Variants in TTC28 observed in about 807,000 individuals in gnomAD.
TTC28 encodes the protein tetratricopeptide repeat protein 28.
A neutral mutation model predicts 198.0 loss-of-function variants in TTC28; 61 were observed. The observed-to-expected ratio is 0.31, with a 90% CI of 0.25 to 0.38. TTC28 has a LOEUF of 0.38. TTC28 is among the 10% of genes least tolerant of loss of function. The probability of loss-of-function intolerance (pLI) is 1.00; values close to 1 mark genes in which losing one functional copy is unlikely to be tolerated. For missense variants in TTC28, 2,678 were observed against 3,164.0 expected (o/e 0.85, Z 3.69); for synonymous variants, 1,171 against 1,297.8 (o/e 0.90, Z 2.10).
At chr22:27,995,952 T>C (rs1456021118) in intron 17 of TTC28, among the ~76,000 whole-genome samples, 183 bp downstream of exon 17, 1 of 152,188 alleles carries the variant, frequency 6.6e-6, no homozygotes, top group Non-Finnish European at 1.5e-5. Flanking sequence ...TGCTGGGACA[T>C]GGGTCTCCCA....
chr22:28,447,831 T>C (rs1489604888), intron 2 of TTC28, among the ~76,000 whole-genome samples: 1 of 152,222 alleles, frequency 6.6e-6, no homozygotes, highest in East Asian at 1.9e-4. Flanking sequence ...TATATTTCCT[T>C]TGGGTCGCTT....
chr22:28,482,259 T>TG (rs984215122), intron 2 of TTC28, among the ~76,000 whole-genome samples: 3 of 125,892 alleles, frequency 2.4e-5, no homozygotes, highest in African/African-American at 9.0e-5. Context: ...TCTCCCAGTG[T>TG]GGAGTGCAGT....
intron 12 of TTC28, among the ~76,000 whole-genome samples, chr22:28,071,656 C>T (rs1046208964): frequency 1.2e-4 from 17 of 143,056 alleles, no homozygotes; most frequent in African/African-American, 3.4e-4. Context: ...GTGGGTGCAG[C>T]GCACCAGCAT....
chr22:28,658,498 A>G (rs1194725281), intron 1 of TTC28, among the ~76,000 whole-genome samples: 1 of 152,206 alleles, frequency 6.6e-6, no homozygotes, highest in African/African-American at 2.4e-5. Context: ...AATCATCGAG[A>G]TGGAAAATAG....
At chr22:28,470,802 T>C (rs2048087712) in intron 2 of TTC28, among the ~76,000 whole-genome samples, 1 of 151,914 alleles carries the variant, frequency 6.6e-6, no homozygotes, top group African/African-American at 2.4e-5. Flanking sequence ...GGCAATAATA[T>C]AGAAAAAGGA....
At chr22:28,638,372 GGAAA>G (rs2051309207) in intron 1 of TTC28, among the ~76,000 whole-genome samples, 1 of 151,774 alleles carries the variant, frequency 6.6e-6, no homozygotes, top group Non-Finnish European at 1.5e-5. Flanking sequence ...AATATTAAAA[GGAAA>G]GAATCTTTTA....
intron 2 of TTC28, among the ~76,000 whole-genome samples, chr22:28,493,035 G>C (rs1025577462): frequency 6.7e-6 from 1 of 149,226 alleles, no homozygotes; most frequent in Non-Finnish European, 1.5e-5. Context: ...TAAGTCCAAG[G>C]GTTCACGATA....
intron 6 of TTC28, among the ~76,000 whole-genome samples, chr22:28,154,715 T>C (rs1357584554): frequency 2.0e-5 from 3 of 152,166 alleles, no homozygotes; most frequent in African/African-American, 4.8e-5. Flanking sequence ...AGGACAGACA[T>C]AGAAAATAGC....
intron 2 of TTC28, among the ~76,000 whole-genome samples, chr22:28,516,990 A>G (rs2048802249): frequency 6.6e-6 from 1 of 152,242 alleles, no homozygotes; most frequent in African/African-American, 2.4e-5. Context: ...AATACTCATT[A>G]TAACTCCTGT....
chr22:28,331,821 G>A (rs1202539061), intron 2 of TTC28, among the ~76,000 whole-genome samples: 1 of 151,992 alleles, frequency 6.6e-6, no homozygotes, highest in Non-Finnish European at 1.5e-5. Context: ...ATTTAACCTA[G>A]GAAGCTTTAC....
At chr22:28,364,410 T>A (rs188547729) in intron 2 of TTC28, among the ~76,000 whole-genome samples, 10 of 152,326 alleles carry the variant, frequency 6.6e-5, no homozygotes, top group South Asian at 2.1e-4. Context: ...CTCAGGTATA[T>A]CTTTATCAGC....
intron 13 of TTC28, among the ~76,000 whole-genome samples, chr22:28,017,770 T>C (rs1386500605): frequency 6.6e-6 from 1 of 152,160 alleles, no homozygotes; most frequent in African/African-American, 2.4e-5. Context: ...TACCAGTTGT[T>C]TCCTAGGGGA....
At chr22:28,302,900 G>A (rs1302629214) in intron 3 of TTC28, among the ~76,000 whole-genome samples, 1 of 152,216 alleles carries the variant, frequency 6.6e-6, no homozygotes, top group East Asian at 1.9e-4. Flanking sequence ...GAGAATCAGA[G>A]GGAATGAGCC....
chr22:28,235,973 G>A (rs777214769), intron 5 of TTC28, among the ~76,000 whole-genome samples: 6 of 152,188 alleles, frequency 3.9e-5, no homozygotes, highest in Non-Finnish European at 5.9e-5. Flanking sequence ...CTTTCTAAGA[G>A]TCTTCATTGA....
rs201481979 is a variant in TTC28, at chr22:27,982,642, A to T, written c.7025T>A (p.Ile2342Lys). The change falls in exon 23 of 23, where the codon ATA becomes AAA. Residue 2342 changes from isoleucine to lysine, a missense_variant. Around this residue, in one of 8 missense-constraint regions of TTC28, gnomAD observed 622 missense variants for 656.0 expected, o/e 0.95. Transcript: ENST00000397906. This position sits in a 1 kb window ranked among gnomAD's most constrained non-coding sequence, Gnocchi z 5.2. ...ARSSPADAPDIDKLKMAAIDE... is the reference protein window; with the variant it reads ...ARSSPADAPDKDKLKMAAIDE... ...AATGGCTGCCATTTTCAGTTTGTCT[A>T]TGTCGGGAGCGTCTGCTGGACTTGA... The T allele has an allele frequency of 3.9e-6, 6 of 1,551,594 alleles. No homozygotes were observed. The highest frequency in any genetic ancestry group is 5.2e-6 in the Non-Finnish European group (6 of 1,146,986).
intron 2 of TTC28, among the ~76,000 whole-genome samples, chr22:28,470,481 C>CA (rs201539424): frequency 2.3e-4 from 34 of 150,538 alleles, no homozygotes; most frequent in African/African-American, 6.3e-4. Context: ...TCACAGTCTC[C>CA]AAAAAAAAAT....
intron 2 of TTC28, among the ~76,000 whole-genome samples, chr22:28,562,466 G>A (rs1207391129): frequency 6.6e-6 from 1 of 152,214 alleles, no homozygotes; most frequent in Non-Finnish European, 1.5e-5. Flanking sequence ...TCCAAGGACA[G>A]TAAAATACAG....
intron 2 of TTC28, among the ~76,000 whole-genome samples, chr22:28,617,770 C>T (rs1428622197): frequency 2.6e-5 from 4 of 152,176 alleles, no homozygotes; most frequent in Non-Finnish European, 5.9e-5. Flanking sequence ...AGAACCCCAG[C>T]AAAATCTGCT....
chr22:28,550,426 T>C (rs1166444824), intron 2 of TTC28, among the ~76,000 whole-genome samples: 1 of 152,092 alleles, frequency 6.6e-6, no homozygotes, highest in African/African-American at 2.4e-5. Flanking sequence ...ATCACAAGAA[T>C]CCTAAATGCC....
Sources: allele counts gnomAD v4.1 joint callset (sites outside exome capture counted in the v4.1 genomes callset), GRCh38; gene constraint gnomAD v4.1.1; regional missense constraint gnomAD v4.1.1; non-coding constraint Gnocchi (gnomAD v3.1); transcripts MANE v1.5; gene names NCBI Gene and HGNC (gene_info 2026-07-23, HGNC 2026-07-21).